Variants in PELI2 observed in about 807,000 individuals in gnomAD.
PELI2 encodes E3 ubiquitin-protein ligase pellino homolog 2.
PELI2 carries 23 observed loss-of-function variants against 42.3 expected under a neutral mutation model. That is an observed-to-expected ratio of 0.54 (90% CI 0.39 to 0.77). PELI2 has a LOEUF of 0.77. Ranked by LOEUF, PELI2 falls within the 30% of genes least tolerant of loss-of-function variation. The pLI, the probability that PELI2 is intolerant of heterozygous loss-of-function variation, is 0.00. For synonymous variants in PELI2, 245 were observed against 212.2 expected (o/e 1.15, Z -1.34); for missense variants, 463 against 553.2 (o/e 0.84, Z 1.64).
intron 2 of PELI2, among the ~76,000 whole-genome samples, chr14:56,195,526 A>G (rs1163015321): frequency 6.6e-6 from 1 of 152,216 alleles, no homozygotes; most frequent in Non-Finnish European, 1.5e-5. Context: ...TAATGGCCGT[A>G]AAACAGAATT....
intron 5 of PELI2, among the ~76,000 whole-genome samples, chr14:56,293,249 G>A (rs903021363): frequency 1.3e-5 from 2 of 152,182 alleles, no homozygotes; most frequent in Non-Finnish European, 2.9e-5. Context: ...AGTTGCCATG[G>A]TAGAGGCCAA....
chr14:56,121,319 G>A (rs932083842), intron 1 of PELI2, among the ~76,000 whole-genome samples: 1 of 151,802 alleles, frequency 6.6e-6, no homozygotes, highest in African/African-American at 2.4e-5. Flanking sequence ...AGGAAATCCT[G>A]GAGAGCAGAA....
intron 3 of PELI2, among the ~76,000 whole-genome samples, chr14:56,286,972 C>A (rs1594716471): frequency 6.6e-6 from 1 of 152,298 alleles, no homozygotes; most frequent in African/African-American, 2.4e-5. Context: ...TCAATTACTT[C>A]ATCAAGACAT....
chr14:56,232,323 C>A (rs879153921), intron 2 of PELI2, among the ~76,000 whole-genome samples: 1 of 152,108 alleles, frequency 6.6e-6, no homozygotes, highest in African/African-American at 2.4e-5. Flanking sequence ...GAATTTTAGA[C>A]CAATATCCCT....
At chr14:56,271,855 T>C (rs1889116590) in intron 2 of PELI2, among the ~76,000 whole-genome samples, 1 of 151,992 alleles carries the variant, frequency 6.6e-6, no homozygotes, top group Admixed American at 6.6e-5. Context: ...CCAGGCAGAG[T>C]GAGGAGATGC....
rs117979689 is a variant in PELI2, at chr14:56,125,621, C to T, written c.77+6884C>T. On this transcript the variant is annotated intron_variant, in intron 1 of 5. Transcript: ENST00000267460. ...CTTTCAATCAGAAGATTCCAAGTAT[C>T]CCGTTAAGAGGCAACGTATATAAGC... Among the ~76,000 whole-genome samples the T allele has an allele frequency of 7.6e-3, 1,151 of 152,174 alleles. 2 individuals carry two copies. The highest frequency in any genetic ancestry group is 0.012 in the Non-Finnish European group (793 of 68,000).
In PELI2 at chr14:56,127,551, C is replaced by T. The variant is rs139570073; in HGVS notation, c.77+8814C>T. 2.2e-4 allele frequency among the ~76,000 whole-genome samples: 33 copies of T among 152,274 alleles called. No individual in the cohort carries two copies. The East Asian group carries it at 4.4e-3, about 20-fold the overall frequency. On this transcript the variant is annotated intron_variant, in intron 1 of 5. Coordinates refer to ENST00000267460, the MANE Select transcript of PELI2 (RefSeq NM_021255.3). ...AGTTCTGTGTTGGTGAGAAGCAAGC[C>T]AAGGCAGAAGATGGCTCTTGTGTGG...
Position 56,273,172 on chromosome 14 carries a change from C to A in PELI2, c.208-6504C>A, listed in dbSNP as rs1250874224. On this transcript the variant is annotated intron_variant, in intron 2 of 5. Transcript: ENST00000267460. The surrounding 1 kb of genome is among the most constrained non-coding windows in gnomAD (Gnocchi z 4.3). ...CACAGAGGCTTCTCCATGCACATGT[C>A]TGCATCTTGGTGCTCCCAGGCCTCC... Among the ~76,000 whole-genome samples the A allele has an allele frequency of 1.3e-5, 2 of 152,214 alleles. No homozygotes were observed. The highest frequency in any genetic ancestry group is 4.8e-5 in the African/African-American group (2 of 41,460).
chr14:56,226,007 C>G (rs1420675005), intron 2 of PELI2, among the ~76,000 whole-genome samples: 1 of 152,096 alleles, frequency 6.6e-6, no homozygotes, highest in Non-Finnish European at 1.5e-5. Context: ...GTCTGCACTC[C>G]CTTTCCCAGT....
At chr14:56,235,244 G>A (rs1056645239) in intron 2 of PELI2, among the ~76,000 whole-genome samples, 4 of 152,028 alleles carry the variant, frequency 2.6e-5, no homozygotes, top group Admixed American at 1.3e-4. Context: ...ATACTGTGGT[G>A]AATAAAATGT....
At chr14:56,207,765 T>C (rs1009726563) in intron 2 of PELI2, among the ~76,000 whole-genome samples, 1 of 152,166 alleles carries the variant, frequency 6.6e-6, no homozygotes, top group Non-Finnish European at 1.5e-5. Context: ...AGGCTTTTCT[T>C]GTCTGGCCAG....
At chr14:56,165,902 T>G (rs907085839) in intron 1 of PELI2, among the ~76,000 whole-genome samples, 1 of 152,188 alleles carries the variant, frequency 6.6e-6, no homozygotes, top group South Asian at 2.1e-4. Flanking sequence ...CATATGTGTC[T>G]TTATAGATGA....
At chr14:56,135,583 G>A (rs1883657363) in intron 1 of PELI2, among the ~76,000 whole-genome samples, 1 of 152,098 alleles carries the variant, frequency 6.6e-6, no homozygotes. Context: ...ACATCTTTTG[G>A]CTTTCTGTTA....
chr14:56,212,951 G>GA (rs1886762336), intron 2 of PELI2, among the ~76,000 whole-genome samples: 1 of 152,096 alleles, frequency 6.6e-6, no homozygotes, highest in South Asian at 2.1e-4. Context: ...GTAGAGTGGG[G>GA]TCACGAGGAG....
intron 1 of PELI2, among the ~76,000 whole-genome samples, chr14:56,131,623 T>A (rs1883486366): frequency 6.6e-6 from 1 of 152,220 alleles, no homozygotes; most frequent in Non-Finnish European, 1.5e-5. Context: ...TGAATTATTG[T>A]CTTATCATGG....
chr14:56,129,721 G>A (rs1163028046), intron 1 of PELI2, among the ~76,000 whole-genome samples: 2 of 152,334 alleles, frequency 1.3e-5, no homozygotes, highest in Admixed American at 6.5e-5. Context: ...AGCAGGGATG[G>A]ACTTGTCCCT....
At position 56,297,608 on chromosome 14, in the gene PELI2, T is replaced by C. The variant is rs1890052749; in HGVS notation, c.*442T>C. 5.9e-6 allele frequency: 1 copy of C among 168,834 alleles called. No homozygotes were observed. The highest frequency in any genetic ancestry group is 1.4e-4 in the South Asian group (1 of 6,938). 10.5% of individuals were successfully genotyped at this position (168,834 alleles called of 1,614,324 possible). A position where few individuals can be genotyped will look rare whatever the true frequency, so the allele number is the denominator to read the frequency against. The stretch of plus-strand genomic sequence containing the variant: ...GCGAAGGGCGCACAGTGTCTAGAAA[T>C]ACTTGATCGTGGCTCAAACCTGACC... On this transcript the variant is annotated 3_prime_UTR_variant, in exon 6 of 6. Coordinates refer to ENST00000267460, the MANE Select transcript of PELI2 (RefSeq NM_021255.3).
At chr14:56,178,528 C>G in intron 2 of PELI2, 64 bp downstream of exon 2, 1 of 1,547,110 alleles carries the variant, frequency 6.5e-7, no homozygotes, top group Non-Finnish European at 8.9e-7. Context: ...TACTCCTTGT[C>G]CGCTGCTCTC....
chr14:56,233,953 T>TA (rs1887686156), intron 2 of PELI2, among the ~76,000 whole-genome samples: 3 of 152,170 alleles, frequency 2.0e-5, no homozygotes, highest in Admixed American at 2.0e-4. Context: ...CATGAACAGA[T>TA]ACTTCTCAAA....
Sources: gnomAD v4.1 joint callset for allele counts (sites outside exome capture counted in the v4.1 genomes callset) on GRCh38, gnomAD v4.1.1 for gene constraint, Gnocchi (gnomAD v3.1) non-coding constraint, MANE v1.5 for transcripts, NCBI Gene and HGNC (gene_info 2026-07-23, HGNC 2026-07-21) for gene names.